The following PPFIA2 variants were observed in gnomAD, a reference collection of about 807,000 sequenced individuals.
PPFIA2 encodes PPFI scaffold protein A2, also known as liprin-alpha-2.
Under a neutral mutation model 175.5 loss-of-function variants are expected in PPFIA2, and 46 were observed. That is an observed-to-expected ratio of 0.26 (90% CI 0.21 to 0.34). PPFIA2 has a LOEUF of 0.34. PPFIA2 is among the 10% of genes least tolerant of loss of function. The pLI, the probability that PPFIA2 is intolerant of heterozygous loss-of-function variation, is 1.00. For missense variants in PPFIA2, 1,179 were observed against 1,506.1 expected (o/e 0.78, Z 3.60); for synonymous variants, 568 against 511.4 (o/e 1.11, Z -1.49).
chr12:81,327,505 A>C (rs1400134005), intron 21 of PPFIA2, among the ~76,000 whole-genome samples: 3 of 152,116 alleles, frequency 2.0e-5, no homozygotes, highest in Non-Finnish European at 4.4e-5. Flanking sequence ...ATAGTCTTCA[A>C]ATAATAATAA....
At chr12:81,379,287 T>C (rs2037109392) in intron 9 of PPFIA2, among the ~76,000 whole-genome samples, 1 of 152,174 alleles carries the variant, frequency 6.6e-6, no homozygotes, top group Non-Finnish European at 1.5e-5. Context: ...GATTCAATGA[T>C]CTCTTGACCT....
At chr12:81,265,755 G>A (rs2037061675) in intron 30 of PPFIA2, among the ~76,000 whole-genome samples, 1 of 152,098 alleles carries the variant, frequency 6.6e-6, no homozygotes, top group Admixed American at 6.5e-5. Context: ...TTACTATTAA[G>A]AAGCTACCCC....
chr12:81,633,880 T>C (rs1450528330), intron 4 of PPFIA2, among the ~76,000 whole-genome samples: 2 of 151,968 alleles, frequency 1.3e-5, no homozygotes, highest in African/African-American at 4.8e-5. Context: ...TGCTTATGTT[T>C]ATATTAGGAG....
intron 13 of PPFIA2, 32 bp downstream of exon 13, chr12:81,368,693 A>T: frequency 6.3e-7 from 1 of 1,584,154 alleles, no homozygotes; most frequent in Non-Finnish European, 8.6e-7. Context: ...ATTGCAAAAT[A>T]TTCATGTGAT....
intron 9 of PPFIA2, among the ~76,000 whole-genome samples, chr12:81,381,648 T>C (rs2037732842): frequency 6.6e-6 from 1 of 152,152 alleles, no homozygotes. Flanking sequence ...AAACTGCCTT[T>C]ACTTTATGAA....
rs1378087605 is a variant in PPFIA2 at position 81,496,630 on chromosome 12, C to A, written c.304-38764G>T. Reference sequence around the variant, plus strand: ...CCACGTGAATGAAAGGAATCAATAACAATACTTTCTGCATACTCTGTCAGC... The same window carrying A: ...CCACGTGAATGAAAGGAATCAATAAAAATACTTTCTGCATACTCTGTCAGC... On this transcript the variant is annotated intron_variant, in intron 4 of 32. Coordinates refer to ENST00000549396, the MANE Select transcript of PPFIA2 (RefSeq NM_003625.5). 2.6e-5 allele frequency among the ~76,000 whole-genome samples: 4 copies of A among 152,136 alleles called. No individual in the cohort carries two copies. The South Asian group carries it at 8.3e-4, about 32-fold the overall frequency.
intron 3 of PPFIA2, among the ~76,000 whole-genome samples, chr12:81,718,723 AAC>A (rs1235533051): frequency 6.6e-6 from 1 of 151,636 alleles, no homozygotes; most frequent in Non-Finnish European, 1.5e-5. Context: ...TAAATATTTG[AAC>A]AGTTTCTACA....
At chr12:81,444,416 A>G (rs1182475283) in intron 6 of PPFIA2, among the ~76,000 whole-genome samples, 1 of 152,192 alleles carries the variant, frequency 6.6e-6, no homozygotes, top group African/African-American at 2.4e-5. Context: ...GCACTTTTAT[A>G]AAAAGAGAGG....
intron 4 of PPFIA2, among the ~76,000 whole-genome samples, chr12:81,474,976 A>C (rs976586470): frequency 2.0e-5 from 3 of 152,206 alleles, no homozygotes; most frequent in Non-Finnish European, 2.9e-5. Flanking sequence ...ACACAACACA[A>C]AAATAAAATG....
At chr12:81,522,337 T>C (rs1055667831) in intron 4 of PPFIA2, among the ~76,000 whole-genome samples, 21 of 152,116 alleles carry the variant, frequency 1.4e-4, no homozygotes, top group African/African-American at 5.1e-4. Context: ...TACACTACAA[T>C]ATAAGGAAAG....
chr12:81,278,548 A>AAC (rs2041202726), intron 27 of PPFIA2, among the ~76,000 whole-genome samples: 1 of 151,820 alleles, frequency 6.6e-6, no homozygotes, highest in African/African-American at 2.4e-5. Context: ...TCCAAAAAAA[A>AAC]AAAAAAAGTT....
intron 3 of PPFIA2, among the ~76,000 whole-genome samples, chr12:81,719,182 T>C (rs2079018889): frequency 6.6e-6 from 1 of 151,682 alleles, no homozygotes. Flanking sequence ...CACTTCATGT[T>C]AGTACTGGAC....
At chr12:81,681,875 A>C (rs2073704102) in intron 3 of PPFIA2, among the ~76,000 whole-genome samples, 1 of 152,038 alleles carries the variant, frequency 6.6e-6, no homozygotes, top group Admixed American at 6.6e-5. Flanking sequence ...TAAAATTCTA[A>C]AGAGTTAGTT....
In PPFIA2 at chr12:81,602,407, C is replaced by T. The variant is rs371702485; in HGVS notation, c.303+74384G>A. Among the ~76,000 whole-genome samples, 18 of 151,858 alleles carry T rather than the reference C, an allele frequency of 1.2e-4. No homozygotes were observed. In the East Asian group the frequency reaches 2.3e-3, roughly 20 times the overall value. On this transcript the variant is annotated intron_variant, in intron 4 of 32. Coordinates refer to ENST00000549396, the MANE Select transcript of PPFIA2 (RefSeq NM_003625.5). ...GTTTTGTAGATTTATTGTTGAGAAACTCTGTTCCCAGAAGTAAGTAGATGG... is the reference window on the plus strand; with the variant it reads ...GTTTTGTAGATTTATTGTTGAGAAATTCTGTTCCCAGAAGTAAGTAGATGG...
At chr12:81,383,926 A>T in intron 9 of PPFIA2, 97 bp downstream of exon 9, 1 of 943,892 alleles carries the variant, frequency 1.1e-6, no homozygotes, top group South Asian at 1.7e-5. Flanking sequence ...GTCTTTTGAG[A>T]AGTAAAAAGT....
intron 24 of PPFIA2, 94 bp from the exon 25 acceptor site, chr12:81,284,397 C>T: frequency 1.1e-6 from 1 of 873,058 alleles, no homozygotes; most frequent in Non-Finnish European, 1.9e-6. Flanking sequence ...AACAGCAACA[C>T]AGCAATACCA....
Position 81,259,480 on chromosome 12 carries a change from T to C in PPFIA2, c.*214A>G. 1.4e-6 allele frequency: 1 copy of C among 698,118 alleles called. No homozygotes were observed. Among genetic ancestry groups the C allele is most frequent in the Non-Finnish European group, 2.5e-6 (1 of 404,152 alleles). The allele number at this position is 698,118 out of a possible 1,614,324, so 43.2% of individuals were successfully genotyped here. On this transcript the variant is annotated 3_prime_UTR_variant, in exon 33 of 33. Transcript: ENST00000549396. ...TTATTCAAATGACTTAAGCATTTTA[T>C]TACAATTTGTAGTAAACTAATCAAA...
chr12:81,743,504 G>A (rs1476488532), intron 3 of PPFIA2, among the ~76,000 whole-genome samples: 1 of 149,754 alleles, frequency 6.7e-6, no homozygotes, highest in African/African-American at 2.4e-5. Flanking sequence ...GTGGTGGGGG[G>A]GTGTTAATAG....
At chr12:81,726,204 C>G (rs1015349485) in intron 3 of PPFIA2, among the ~76,000 whole-genome samples, 28 of 151,208 alleles carry the variant, frequency 1.9e-4, no homozygotes, top group African/African-American at 6.8e-4. Context: ...TACTTTTCCT[C>G]TAAAACTACT....
Sources: gnomAD v4.1 joint callset for allele counts (sites outside exome capture counted in the v4.1 genomes callset) on GRCh38, gnomAD v4.1.1 for gene constraint, MANE v1.5 for transcripts, NCBI Gene and HGNC (gene_info 2026-07-23, HGNC 2026-07-21) for gene names.